Variants in CCDC85A observed in about 807,000 individuals in gnomAD.
CCDC85A encodes the protein coiled-coil domain-containing protein 85A.
Under a neutral mutation model 50.2 loss-of-function variants are expected in CCDC85A, and 38 were observed. The ratio of observed to expected loss-of-function variants is 0.76; its 90% CI spans 0.58 to 0.99. The LOEUF (loss-of-function observed/expected upper bound fraction) is 0.99, where lower values mean the gene tolerates loss of function less well. CCDC85A is among the 50% of genes least tolerant of loss of function. The probability of loss-of-function intolerance (pLI) is 0.00; values close to 1 mark genes in which losing one functional copy is unlikely to be tolerated. For synonymous variants in CCDC85A, 366 were observed against 301.4 expected (o/e 1.21, Z -2.22); for missense variants, 820 against 742.0 (o/e 1.11, Z -1.22).
chr2:56,248,597 C>G (rs900902030), intron 2 of CCDC85A, among the ~76,000 whole-genome samples: 5 of 152,176 alleles, frequency 3.3e-5, no homozygotes, highest in Non-Finnish European at 7.3e-5. Flanking sequence ...TGGCTTCCGA[C>G]AAGGCAGAGG....
intron 2 of CCDC85A, among the ~76,000 whole-genome samples, chr2:56,249,584 C>T (rs1004863929): frequency 6.6e-6 from 1 of 152,218 alleles, no homozygotes. Context: ...GATCAGCTGC[C>T]TTTGCGTATG....
intron 1 of CCDC85A, among the ~76,000 whole-genome samples, chr2:56,186,837 G>T (rs919640601): frequency 1.3e-5 from 2 of 152,088 alleles, no homozygotes; most frequent in South Asian, 4.1e-4. Context: ...TCAGCTAAAG[G>T]CCCGTACACC....
At chr2:56,230,927 A>G (rs1007746938) in intron 2 of CCDC85A, among the ~76,000 whole-genome samples, 5 of 152,088 alleles carry the variant, frequency 3.3e-5, no homozygotes, top group Admixed American at 6.6e-5. Context: ...TTCTTTTGCT[A>G]CTGAGGGTCT....
At position 56,205,059 on chromosome 2, in the gene CCDC85A, T is replaced by C. The variant is rs527995538; in HGVS notation, c.1240+11619T>C. On this transcript the variant is annotated intron_variant, in intron 2 of 5. Transcript: ENST00000407595. ...CCATGTGTATAGCATGTGCATTCTA[T>C]GTCTAGTCTCTTACATAGTTCTCCA... Among the ~76,000 whole-genome samples the C allele has an allele frequency of 4.2e-3, 647 of 152,300 alleles. 21 individuals carry two copies. Among genetic ancestry groups the C allele is most frequent in the Non-Finnish European group, 5.0e-3 (341 of 68,026 alleles).
intron 2 of CCDC85A, 124 bp from the exon 3 acceptor site, chr2:56,342,755 T>TC (rs1325325861): frequency 1.8e-6 from 1 of 547,330 alleles, no homozygotes; most frequent in African/African-American, 1.9e-5. Flanking sequence ...TATTTTTTTT[T>TC]CTCATTTTAA....
intron 2 of CCDC85A, among the ~76,000 whole-genome samples, chr2:56,258,983 T>A (rs1670104567): frequency 6.6e-6 from 1 of 152,164 alleles, no homozygotes; most frequent in African/African-American, 2.4e-5. Flanking sequence ...TCGGGTGACT[T>A]AGGGCCAACA....
Position 56,193,362 on chromosome 2 carries a change from A to G in CCDC85A, c.1162A>G (p.Ser388Gly), listed in dbSNP as rs754303873. The G allele has an allele frequency of 6.2e-7, 1 of 1,611,482 alleles. No homozygotes were observed. Among genetic ancestry groups the G allele is most frequent in the East Asian group, 2.2e-5 (1 of 44,796 alleles). The change falls in exon 2 of 6, where the codon AGC becomes GGC. Residue 388 changes from serine to glycine, a missense_variant. Physicochemically the swap from Ser to Gly is moderately conservative, Grantham distance 56. Transcript: ENST00000407595. ...SGGSGGSGGGSREGTLRRQAQ... is the reference protein window; with the variant it reads ...SGGSGGSGGGGREGTLRRQAQ... Reference sequence around the variant, plus strand: ...AGGAAGTGGAGGCAGCGGCGGAGGCAGCAGGGAGGGCACCCTCAGACGGCA... The same window carrying G: ...AGGAAGTGGAGGCAGCGGCGGAGGCGGCAGGGAGGGCACCCTCAGACGGCA...
chr2:56,372,805 C>G (rs1676143233), intron 4 of CCDC85A, among the ~76,000 whole-genome samples: 1 of 152,142 alleles, frequency 6.6e-6, no homozygotes, highest in South Asian at 2.1e-4. Flanking sequence ...GAAAAGTACT[C>G]CTTTGCCCTT....
chr2:56,380,629 A>AT (rs1553420863), intron 5 of CCDC85A, among the ~76,000 whole-genome samples: 2 of 151,560 alleles, frequency 1.3e-5, no homozygotes, highest in African/African-American at 4.9e-5. Context: ...CCACAGTAAA[A>AT]AAATAAATAA....
chr2:56,327,615 A>T (rs1673541945), intron 2 of CCDC85A, among the ~76,000 whole-genome samples: 1 of 152,122 alleles, frequency 6.6e-6, no homozygotes, highest in African/African-American at 2.4e-5. Flanking sequence ...TCTTAGTAGT[A>T]TAGTTATTCT....
chr2:56,368,256 C>A (rs1227770661), intron 3 of CCDC85A, among the ~76,000 whole-genome samples: 1 of 152,046 alleles, frequency 6.6e-6, no homozygotes, highest in Non-Finnish European at 1.5e-5. Context: ...TTGGATATAA[C>A]CGACTAAATA....
intron 2 of CCDC85A, among the ~76,000 whole-genome samples, chr2:56,207,252 G>A (rs1676997180): frequency 1.3e-5 from 2 of 152,148 alleles, no homozygotes; most frequent in South Asian, 4.1e-4. Context: ...GCCCTGGAAG[G>A]TCTGTGGAGC....
In CCDC85A at chr2:56,193,066, G is replaced by A. The variant is rs200937623; in HGVS notation, c.866G>A (p.Ser289Asn). ...PEHHKPLCKG[S>N]PEQQRHPHPG... ...CACCACAAACCCTTGTGCAAGGGCA[G>A]CCCCGAACAGCAAAGGCACCCGCAT... Residue 289 changes from serine (S) to asparagine (N), a missense_variant, in exon 2 of 6, where the codon AGC becomes AAC. Physicochemically the swap from Ser to Asn is conservative, Grantham distance 46. Transcript: ENST00000407595. 1.7e-4 allele frequency: 278 copies of A among 1,613,836 alleles called. No homozygotes were observed. The highest frequency in any genetic ancestry group is 2.3e-4 in the Non-Finnish European group (271 of 1,179,896).
intron 2 of CCDC85A, among the ~76,000 whole-genome samples, chr2:56,253,314 C>T (rs1169939094): frequency 6.6e-6 from 1 of 152,070 alleles, no homozygotes; most frequent in Admixed American, 6.6e-5. Flanking sequence ...GAAAGTATTG[C>T]CTGAGCTGAG....
chr2:56,246,587 G>T (rs1669521332), intron 2 of CCDC85A, among the ~76,000 whole-genome samples: 1 of 152,062 alleles, frequency 6.6e-6, no homozygotes, highest in African/African-American at 2.4e-5. Context: ...TTTTTTTGTG[G>T]ATATCCAGTT....
intron 4 of CCDC85A, among the ~76,000 whole-genome samples, chr2:56,374,683 C>T (rs562458902): frequency 6.6e-6 from 1 of 152,272 alleles, no homozygotes; most frequent in East Asian, 1.9e-4. Flanking sequence ...ATGGCACATG[C>T]CTGTAGTCCC....
At chr2:56,310,104 T>G (rs1209541390) in intron 2 of CCDC85A, among the ~76,000 whole-genome samples, 1 of 152,186 alleles carries the variant, frequency 6.6e-6, no homozygotes, top group Non-Finnish European at 1.5e-5. Flanking sequence ...GTCCAACTTG[T>G]GACAGGAGTA....
intron 2 of CCDC85A, among the ~76,000 whole-genome samples, chr2:56,290,963 A>G (rs903032169): frequency 2.0e-5 from 3 of 152,212 alleles, no homozygotes; most frequent in African/African-American, 7.2e-5. Context: ...AGCCAAAACC[A>G]GAAAAAGAAA....
intron 3 of CCDC85A, among the ~76,000 whole-genome samples, chr2:56,347,557 CA>C (rs1403941177): frequency 6.6e-6 from 1 of 152,162 alleles, no homozygotes; most frequent in African/African-American, 2.4e-5. Flanking sequence ...ATAAATAAAA[CA>C]AAAAGTGCAT....
Sources: gnomAD v4.1 joint callset for allele counts (sites outside exome capture counted in the v4.1 genomes callset) on GRCh38, gnomAD v4.1.1 for gene constraint, MANE v1.5 for transcripts, NCBI Gene and HGNC (gene_info 2026-07-23, HGNC 2026-07-21) for gene names.